Variants in CACNB2 observed in about 807,000 individuals in gnomAD.
The protein encoded by CACNB2 is calcium voltage-gated channel auxiliary subunit beta 2.
Under a neutral mutation model 73.3 loss-of-function variants are expected in CACNB2, and 42 were observed. The observed-to-expected ratio is 0.57, with a 90% confidence interval of 0.45 to 0.74. The LOEUF (loss-of-function observed/expected upper bound fraction) is 0.74. Ranked by LOEUF, CACNB2 falls within the 30% of genes least tolerant of loss-of-function variation. The probability of loss-of-function intolerance (pLI) is 0.00; values close to 1 mark genes in which losing one functional copy is unlikely to be tolerated. For synonymous variants in CACNB2, 348 were observed against 310.3 expected, an observed-to-expected ratio of 1.12 and a Z score of -1.28; for missense variants, 940 against 853.0, an observed-to-expected ratio of 1.10 and a Z score of -1.27.
At chr10:18,327,614 G>A (rs539579903) in intron 2 of CACNB2, among the ~76,000 whole-genome samples, 36 of 152,064 alleles carry the variant, frequency 2.4e-4, no homozygotes, top group East Asian at 5.8e-4. Flanking sequence ...TAGTAGAGAC[G>A]GAGTTTCTCC....
At chr10:18,364,956 T>G (rs913322251) in intron 2 of CACNB2, among the ~76,000 whole-genome samples, 1 of 152,206 alleles carries the variant, frequency 6.6e-6, no homozygotes, top group East Asian at 1.9e-4. Context: ...TAGGATAGCA[T>G]TTTTTTCAAG....
At chr10:18,341,730 A>G (rs961619356) in intron 2 of CACNB2, among the ~76,000 whole-genome samples, 1 of 152,196 alleles carries the variant, frequency 6.6e-6, no homozygotes, top group African/African-American at 2.4e-5. Context: ...TATTTTAAGT[A>G]CTTCTTTTGT....
intron 5 of CACNB2, among the ~76,000 whole-genome samples, chr10:18,505,496 G>A (rs1313878939): frequency 2.6e-5 from 4 of 152,248 alleles, no homozygotes; most frequent in African/African-American, 9.6e-5. Flanking sequence ...CATTCAGCCT[G>A]TTACTGATAC....
At chr10:18,396,979 C>T (rs964785810) in intron 2 of CACNB2, among the ~76,000 whole-genome samples, 3 of 152,022 alleles carry the variant, frequency 2.0e-5, no homozygotes, top group Non-Finnish European at 4.4e-5. Context: ...ATAAAGATTT[C>T]CTACAGAAAG....
At chr10:18,478,920 G>A (rs1026863987) in intron 3 of CACNB2, among the ~76,000 whole-genome samples, 3 of 152,018 alleles carry the variant, frequency 2.0e-5, no homozygotes, top group Non-Finnish European at 2.9e-5. Flanking sequence ...ACCTTGAGGC[G>A]GCTTCTTCAT....
chr10:18,522,822 G>A (rs1037584449), intron 9 of CACNB2, among the ~76,000 whole-genome samples: 4 of 139,602 alleles, frequency 2.9e-5, no homozygotes, highest in South Asian at 4.7e-4. Flanking sequence ...ACGTTGCAGT[G>A]AGCCGAGATC....
intron 2 of CACNB2, among the ~76,000 whole-genome samples, chr10:18,213,253 A>G (rs1172062278): frequency 1.3e-5 from 2 of 152,214 alleles, no homozygotes; most frequent in Non-Finnish European, 2.9e-5. Context: ...GACTCAACTC[A>G]GGAAAGCAAG....
Position 18,539,265 on chromosome 10 carries a change from T to C in CACNB2, c.1524T>C (p.Ala508=), listed in dbSNP as rs752877638. Residue 508 remains alanine (A), a synonymous_variant, in exon 14 of 14, where the codon GCT becomes GCC. Coordinates refer to ENST00000324631, the MANE Select transcript of CACNB2 (RefSeq NM_201596.3). ...SQGDQRTDRS[A]PIRSASQAEE... is the part of the protein sequence containing the mutation. Reference sequence around the variant, plus strand: ...GTGATCAGAGGACTGATCGCTCCGCTCCTATCCGTTCTGCTTCCCAAGCTG... The same window carrying C: ...GTGATCAGAGGACTGATCGCTCCGCCCCTATCCGTTCTGCTTCCCAAGCTG... 6.2e-7 allele frequency: 1 copy of C among 1,613,860 alleles called. No individual in the cohort carries two copies. Among genetic ancestry groups the C allele is most frequent in the Admixed American group, 1.7e-5 (1 of 59,974 alleles).
intron 3 of CACNB2, among the ~76,000 whole-genome samples, chr10:18,423,423 T>C (rs4747345): frequency 0.57 from 86,790 of 151,978 alleles, 25,425 homozygotes; most frequent in East Asian, 0.78. Context: ...GGAGAAAGAA[T>C]TCCCCCTGTA....
At chr10:18,308,572 A>G (rs2039836956) in intron 2 of CACNB2, among the ~76,000 whole-genome samples, 2 of 152,310 alleles carry the variant, frequency 1.3e-5, no homozygotes, top group South Asian at 4.1e-4. Context: ...TGGCAAGTAT[A>G]TTTTAAAATG....
At chr10:18,391,293 T>A (rs1394891850) in intron 2 of CACNB2, among the ~76,000 whole-genome samples, 1 of 152,222 alleles carries the variant, frequency 6.6e-6, no homozygotes, top group African/African-American at 2.4e-5. Context: ...AAAGTCACAT[T>A]TCTGTTTGTG....
intron 3 of CACNB2, among the ~76,000 whole-genome samples, chr10:18,491,890 A>C (rs1032250841): frequency 2.0e-5 from 3 of 151,192 alleles, no homozygotes; most frequent in Admixed American, 1.3e-4. Flanking sequence ...AGAATGAAAG[A>C]GATATGTATC....
chr10:18,498,265 G>A, intron 3 of CACNB2, 90 bp from the exon 4 acceptor site: 1 of 1,472,854 alleles, frequency 6.8e-7, no homozygotes, highest in Non-Finnish European at 9.4e-7. Flanking sequence ...GATTACAGTA[G>A]TTATTCAGTA....
At chr10:18,227,118 G>C (rs942576104) in intron 2 of CACNB2, among the ~76,000 whole-genome samples, 5 of 152,178 alleles carry the variant, frequency 3.3e-5, no homozygotes, top group Non-Finnish European at 5.9e-5. Context: ...TGAAATGATA[G>C]GAAGAATTTT....
chr10:18,461,551 T>G (rs2047576199), intron 3 of CACNB2, among the ~76,000 whole-genome samples: 1 of 151,934 alleles, frequency 6.6e-6, no homozygotes, highest in Non-Finnish European at 1.5e-5. Context: ...AAGACTATTT[T>G]TCCACAGGTG....
chr10:18,287,731 T>C (rs141093866), intron 2 of CACNB2, among the ~76,000 whole-genome samples: 168 of 152,252 alleles, frequency 1.1e-3, no homozygotes, highest in African/African-American at 3.8e-3. Context: ...CGCCCTGTAG[T>C]CTCAGCTACT....
rs552742304 is a variant in CACNB2 at position 18,532,399 on chromosome 10, C to T, written c.1055-1677C>T. ...ACAATCAGCACATATTAGGGCTGGG[C>T]GCAGTGGCTCACGCCTGTAATGCCA... On this transcript the variant is annotated intron_variant, in intron 10 of 13. Coordinates refer to ENST00000324631, the MANE Select transcript of CACNB2 (RefSeq NM_201596.3). Among the ~76,000 whole-genome samples the T allele has an allele frequency of 4.3e-4, 65 of 152,112 alleles. No individual in the cohort carries two copies. The South Asian group carries it at 0.01, about 24-fold the overall frequency.
intron 2 of CACNB2, among the ~76,000 whole-genome samples, chr10:18,158,489 A>T (rs2032218063): frequency 3.3e-5 from 5 of 152,220 alleles, no homozygotes. Flanking sequence ...GTTGTCTTCA[A>T]TTCCCGTAGA....
intron 2 of CACNB2, among the ~76,000 whole-genome samples, chr10:18,397,278 T>G (rs997613897): frequency 4.4e-5 from 6 of 136,752 alleles, no homozygotes; most frequent in Middle Eastern, 3.6e-3. Flanking sequence ...ACCAGACCGG[T>G]CAACATGGCA....
Sources: gnomAD v4.1 joint callset for allele counts (sites outside exome capture counted in the v4.1 genomes callset) on GRCh38, gnomAD v4.1.1 for gene constraint, MANE v1.5 for transcripts, NCBI Gene and HGNC (gene_info 2026-07-23, HGNC 2026-07-21) for gene names.